Variants in ABCG1 observed in about 807,000 individuals in gnomAD.
ABCG1 encodes ATP binding cassette subfamily G member 1.
ABCG1 carries 29 observed loss-of-function variants against 69.2 expected under a neutral mutation model. The observed-to-expected ratio is 0.42, with a 90% CI of 0.31 to 0.57. The LOEUF is 0.57. Ranked by LOEUF, ABCG1 falls within the 20% of genes least tolerant of loss-of-function variation. The pLI is 0.15. For missense variants in ABCG1, 718 were observed against 898.1 expected (o/e 0.80, Z 2.56); for synonymous variants, 370 against 374.8 (o/e 0.99, Z 0.15).
rs954097800 is a variant in ABCG1 at position 42,219,617 on chromosome 21, G to C, written c.42+313G>C. Among the ~76,000 whole-genome samples the C allele has an allele frequency of 6.6e-6, 1 of 152,130 alleles. No individual in the cohort carries two copies. The highest frequency in any genetic ancestry group is 6.5e-5 in the Admixed American group (1 of 15,288). ...GCCTTGACCTGATGGCTTCTGGGCGGGGGGCGTGGGGAGCTGGGGACCCGG... is the reference window on the plus strand; with the variant it reads ...GCCTTGACCTGATGGCTTCTGGGCGCGGGGCGTGGGGAGCTGGGGACCCGG... On this transcript the variant is annotated intron_variant, in intron 1 of 14. Transcript: ENST00000398449. This position sits in a 1 kb window ranked among gnomAD's most constrained non-coding sequence, Gnocchi z 5.3.
At chr21:42,231,079 G>T (rs550144491) in intron 2 of ABCG1, among the ~76,000 whole-genome samples, 38 of 152,330 alleles carry the variant, frequency 2.5e-4, no homozygotes, top group African/African-American at 8.9e-4. Flanking sequence ...CCTTTTAATT[G>T]GCCTGCTTGG....
chr21:42,279,549 C>A (rs1166163876), intron 5 of ABCG1, among the ~76,000 whole-genome samples: 2 of 152,236 alleles, frequency 1.3e-5, no homozygotes, highest in African/African-American at 4.8e-5. Flanking sequence ...AAGCCAGGCC[C>A]CACCTGCCTT....
chr21:42,286,119 C>G, intron 8 of ABCG1, 125 bp downstream of exon 8: 1 of 702,700 alleles, frequency 1.4e-6, no homozygotes, highest in Non-Finnish European at 2.5e-6. Context: ...AAGTGTCATC[C>G]AGTTATAAAA....
intron 6 of ABCG1, among the ~76,000 whole-genome samples, chr21:42,283,439 G>T (rs1032521911): frequency 1.3e-5 from 2 of 152,142 alleles, no homozygotes; most frequent in Non-Finnish European, 2.9e-5. Context: ...TAGATCTGAG[G>T]GGCTAGGAAA....
chr21:42,221,419 C>T (rs1232816035), intron 1 of ABCG1: 1 of 152,286 alleles, frequency 6.6e-6, no homozygotes, highest in East Asian at 1.9e-4. Context: ...GGTGTGGACC[C>T]TCTGAGCTGT....
upstream of ABCG1, among the ~76,000 whole-genome samples, chr21:42,213,878 A>G (rs1484788264): frequency 6.6e-6 from 1 of 152,226 alleles, no homozygotes; most frequent in Non-Finnish European, 1.5e-5. Context: ...GTGTGACTTC[A>G]CAAGTTCACC....
At position 42,291,846 on chromosome 21, in the gene ABCG1, G is replaced by A. The variant is rs150667618; in HGVS notation, c.1653+190G>A. 1.1e-4 allele frequency among the ~76,000 whole-genome samples: 16 copies of A among 152,262 alleles called. No individual in the cohort carries two copies. Among genetic ancestry groups the A allele is most frequent in the South Asian group, 6.2e-4 (3 of 4,826 alleles). ...AGCTGGCTTCCACAGTGCGCACAGC[G>A]GGCAGCCTCACGTGTGCTGACTGCG... On this transcript the variant is annotated intron_variant, in intron 13 of 14. Transcript: ENST00000398449. The surrounding 1 kb of genome is among the most constrained non-coding windows in gnomAD (Gnocchi z 6.4).
At chr21:42,286,179 A>G (rs1379250152) in intron 8 of ABCG1, 185 bp downstream of exon 8, 6 of 559,106 alleles carry the variant, frequency 1.1e-5, no homozygotes, top group Non-Finnish European at 1.9e-5. Flanking sequence ...ACTCTAGGTA[A>G]AATCATCTGG....
intron 2 of ABCG1, among the ~76,000 whole-genome samples, chr21:42,244,007 G>A (rs1176547808): frequency 6.6e-6 from 1 of 151,928 alleles, no homozygotes; most frequent in Non-Finnish European, 1.5e-5. Flanking sequence ...TTTTAGTAAA[G>A]ACGGGGTTTC....
intron 2 of ABCG1, among the ~76,000 whole-genome samples, chr21:42,266,911 C>G (rs2068515146): frequency 6.6e-6 from 1 of 152,208 alleles, no homozygotes; most frequent in Non-Finnish European, 1.5e-5. Flanking sequence ...ACCCCATTCT[C>G]TCCTCTGGTT....
Position 42,246,020 on chromosome 21 carries a change from C to T in ABCG1, c.286+20106C>T, listed in dbSNP as rs957239765. ...CAGGAGCATCCTAGAGAGGTGGGGGCAGGCGGGGGACATGGTGAGGGAGGG... is the reference window on the plus strand; with the variant it reads ...CAGGAGCATCCTAGAGAGGTGGGGGTAGGCGGGGGACATGGTGAGGGAGGG... On this transcript the variant is annotated intron_variant, in intron 2 of 14. Coordinates refer to ENST00000398449, the MANE Select transcript of ABCG1 (RefSeq NM_016818.3). 2.0e-5 allele frequency among the ~76,000 whole-genome samples: 3 copies of T among 152,242 alleles called. No homozygotes were observed. The South Asian group carries it at 6.2e-4, about 32-fold the overall frequency.
chr21:42,284,966 G>A (rs1335370566), intron 7 of ABCG1, among the ~76,000 whole-genome samples: 1 of 151,910 alleles, frequency 6.6e-6, no homozygotes. Context: ...ATTTTTGAGA[G>A]CGTTTAAGTG....
At chr21:42,280,189 A>G (rs2068782817) in intron 5 of ABCG1, among the ~76,000 whole-genome samples, 1 of 152,208 alleles carries the variant, frequency 6.6e-6, no homozygotes, top group African/African-American at 2.4e-5. Flanking sequence ...GCCCACCATC[A>G]GGATTGCTTC....
chr21:42,245,158 C>T (rs1351349713), intron 2 of ABCG1, among the ~76,000 whole-genome samples: 2 of 152,122 alleles, frequency 1.3e-5, no homozygotes, highest in African/African-American at 2.4e-5. Flanking sequence ...ATCTAGACAC[C>T]CCACACTTTG....
intron 2 of ABCG1, among the ~76,000 whole-genome samples, chr21:42,261,077 TC>T (rs1329609606): frequency 2.0e-5 from 3 of 152,086 alleles, no homozygotes; most frequent in Non-Finnish European, 4.4e-5. Context: ...CGCCTCGGCC[TC>T]CCAAAGTGCT....
intron 5 of ABCG1, among the ~76,000 whole-genome samples, chr21:42,278,123 A>T (rs528228694): frequency 1.3e-5 from 2 of 152,332 alleles, no homozygotes; most frequent in Admixed American, 1.3e-4. Flanking sequence ...TCTGAGATTG[A>T]AAAGAAAATG....
At chr21:42,259,619 C>T in intron 2 of ABCG1, 1 of 1,439,522 alleles carries the variant, frequency 6.9e-7, no homozygotes, top group Non-Finnish European at 9.1e-7. Flanking sequence ...TCCTAACTGT[C>T]ACTCATTTGA....
chr21:42,211,006 C>T (rs2067584159), intron 2 of ABCG1, among the ~76,000 whole-genome samples: 1 of 148,940 alleles, frequency 6.7e-6, no homozygotes, highest in South Asian at 2.1e-4. Context: ...GTTGCCCAGG[C>T]TGGAGTGCAG....
intron 2 of ABCG1, among the ~76,000 whole-genome samples, chr21:42,210,165 G>C (rs902077988): frequency 6.6e-6 from 1 of 152,160 alleles, no homozygotes; most frequent in African/African-American, 2.4e-5. Flanking sequence ...CTCCCTCTTA[G>C]GGTCCAGGAA....
Sources: gnomAD v4.1 joint callset for allele counts (sites outside exome capture counted in the v4.1 genomes callset) on GRCh38, gnomAD v4.1.1 for gene constraint, Gnocchi (gnomAD v3.1) non-coding constraint, MANE v1.5 for transcripts, NCBI Gene and HGNC (gene_info 2026-07-23, HGNC 2026-07-21) for gene names.